The following CSMD2 variants were observed in gnomAD, a reference collection of about 807,000 sequenced individuals.
CSMD2 encodes CUB and sushi domain-containing protein 2.
A neutral mutation model predicts 398.5 loss-of-function variants in CSMD2; 130 were observed. The ratio of observed to expected loss-of-function variants is 0.33; its 90% CI spans 0.28 to 0.38. The LOEUF is 0.38. Among genes scored for constraint, CSMD2 ranks in the 10% least tolerant of loss-of-function variants. The pLI is 1.00. For missense variants in CSMD2, 3,829 were observed against 4,764.9 expected (o/e 0.80, Z 5.78); for synonymous variants, 1,828 against 1,908.5 (o/e 0.96, Z 1.10).
intron 25 of CSMD2, among the ~76,000 whole-genome samples, chr1:33,678,655 C>T (rs886805970): frequency 6.6e-6 from 1 of 151,852 alleles, no homozygotes; most frequent in African/African-American, 2.4e-5. Context: ...CTTGTTTTAT[C>T]AAATGCCCCC....
At chr1:33,538,866 G>C (rs900599014) in intron 60 of CSMD2, among the ~76,000 whole-genome samples, 8 of 152,206 alleles carry the variant, frequency 5.3e-5, no homozygotes, top group Non-Finnish European at 1.0e-4. Context: ...TGTAAATTGG[G>C]ACAGTTTCTA....
intron 64 of CSMD2, among the ~76,000 whole-genome samples, chr1:33,529,278 C>G (rs1326189815): frequency 6.6e-6 from 1 of 152,198 alleles, no homozygotes; most frequent in African/African-American, 2.4e-5. Context: ...ATAGCTAAGA[C>G]TACAGGCATA....
chr1:34,087,638 T>C (rs1443377636), intron 2 of CSMD2, among the ~76,000 whole-genome samples: 2 of 148,374 alleles, frequency 1.3e-5, no homozygotes, highest in East Asian at 2.0e-4. Flanking sequence ...ATAATAATAA[T>C]AATAATAATA....
Position 33,788,638 on chromosome 1 carries a change from C to T in CSMD2, c.1625G>A (p.Gly542Asp), listed in dbSNP as rs1653844896. Reference sequence around the variant, plus strand: ...CTTGAATCCCAGGGAACTGCCACTGCCATCAGTCTGGAAGAGGAGCCACAT... The same window carrying T: ...CTTGAATCCCAGGGAACTGCCACTGTCATCAGTCTGGAAGAGGAGCCACAT... Reference protein sequence around the residue: ...HQMWLLFQTDGSGSSLGFKAS... With the variant: ...HQMWLLFQTDDSGSSLGFKAS... The change falls in exon 12 of 71, where the codon GGC becomes GAC. Residue 542 changes from glycine (G) to aspartate (D), a missense_variant. This residue lies in a region of CSMD2 where 2,001 missense variants were observed against 2,567.1 expected (regional missense o/e 0.78). Transcript: ENST00000373381. 1 of 1,613,746 alleles carries T rather than the reference C, an allele frequency of 6.2e-7. No individual in the cohort carries two copies. Among genetic ancestry groups the T allele is most frequent in the Non-Finnish European group, 8.5e-7 (1 of 1,179,618 alleles).
rs189437127 is a variant in CSMD2 at position 33,624,531 on chromosome 1, G to C, written c.5613C>G (p.Gly1871=). 1 of 1,613,828 alleles carries C rather than the reference G, an allele frequency of 6.2e-7. No individual in the cohort carries two copies. The stretch of plus-strand genomic sequence containing the variant: ...CCCTTGCCCCTACCTGGATGCCAGC[G>C]CCTTCGGGGACCACGATCTTCCACA... The part of the protein sequence containing the change: ...NCVWKIVVPE[G]AGIQIQVVSF... The change falls in exon 35 of 71, where the codon GGC becomes GGG. Residue 1871 remains glycine, a synonymous_variant. Transcript: ENST00000373381. This position sits in a 1 kb window ranked among gnomAD's most constrained non-coding sequence, Gnocchi z 4.7.
chr1:34,131,023 A>G (rs1262040339), intron 1 of CSMD2, among the ~76,000 whole-genome samples: 1 of 152,076 alleles, frequency 6.6e-6, no homozygotes, highest in African/African-American at 2.4e-5. Context: ...CTTGCATTCA[A>G]TGTGGTACCT....
At chr1:33,580,199 A>T (rs1260306098) in intron 48 of CSMD2, among the ~76,000 whole-genome samples, 5 of 152,078 alleles carry the variant, frequency 3.3e-5, no homozygotes, top group African/African-American at 1.2e-4. Flanking sequence ...TTTTCTTCCA[A>T]CCACAGACAG....
Position 33,646,771 on chromosome 1 carries a change from G to A in CSMD2, c.4651C>T (p.Leu1551Phe), listed in dbSNP as rs892577509. The A allele has an allele frequency of 6.2e-7, 1 of 1,614,112 alleles. No homozygotes were observed. Among genetic ancestry groups the A allele is most frequent in the East Asian group, 2.2e-5 (1 of 44,884 alleles). ...TGGGAGCCATAGAAGCTTCCTATGA[G>A]AGGGCTGAGAGAGTCCCGTCCGTCG... Reference protein sequence around the residue: ...IYDGRDSLSPLIGSFYGSQLP... With the variant: ...IYDGRDSLSPFIGSFYGSQLP... Residue 1551 changes from leucine to phenylalanine, a missense_variant, in exon 29 of 71, where the codon CTC becomes TTC. Physicochemically the swap from Leu to Phe is conservative, Grantham distance 22. Coordinates refer to ENST00000373381, the MANE Select transcript of CSMD2 (RefSeq NM_001281956.2).
intron 53 of CSMD2, among the ~76,000 whole-genome samples, chr1:33,561,299 G>A (rs552190924): frequency 1.2e-4 from 19 of 152,298 alleles, no homozygotes; most frequent in African/African-American, 4.6e-4. Context: ...AAGCAGCCTG[G>A]CATAGTGAGA....
intron 1 of CSMD2, among the ~76,000 whole-genome samples, chr1:34,110,880 C>T (rs1276256365): frequency 6.6e-6 from 1 of 151,824 alleles, no homozygotes; most frequent in Non-Finnish European, 1.5e-5. Flanking sequence ...GCACATGTAC[C>T]CCTGAATCTA....
chr1:33,536,600 G>A (rs1002112311), intron 62 of CSMD2, among the ~76,000 whole-genome samples: 10 of 152,178 alleles, frequency 6.6e-5, no homozygotes, highest in East Asian at 3.9e-4. Context: ...AGGTGTGTCC[G>A]CAGGGCCTGT....
At chr1:33,668,420 C>T (rs1284776989) in intron 25 of CSMD2, among the ~76,000 whole-genome samples, 1 of 152,156 alleles carries the variant, frequency 6.6e-6, no homozygotes, top group Admixed American at 6.5e-5. Flanking sequence ...GCCAGTGACC[C>T]CTTTTATTAT....
chr1:33,847,888 G>A (rs1638392359), intron 5 of CSMD2, among the ~76,000 whole-genome samples: 1 of 152,162 alleles, frequency 6.6e-6, no homozygotes, highest in African/African-American at 2.4e-5. Flanking sequence ...GAAGATCTCA[G>A]CACAGTCCCT....
intron 5 of CSMD2, chr1:33,870,593 G>A (rs1640392195): frequency 6.6e-6 from 1 of 152,140 alleles, no homozygotes; most frequent in South Asian, 2.1e-4. Flanking sequence ...CCCTTCAACG[G>A]TGAAATATTT....
At chr1:33,930,971 A>G (rs1644294366) in intron 4 of CSMD2, among the ~76,000 whole-genome samples, 1 of 152,196 alleles carries the variant, frequency 6.6e-6, no homozygotes, top group African/African-American at 2.4e-5. Flanking sequence ...TGGGCACATG[A>G]CATTTCCTAG....
chr1:33,729,458 T>C (rs1322003851), intron 15 of CSMD2, among the ~76,000 whole-genome samples: 2 of 149,972 alleles, frequency 1.3e-5, no homozygotes, highest in East Asian at 1.9e-4. Context: ...GGATTCTTTT[T>C]TTTTTTTTTT....
intron 3 of CSMD2, among the ~76,000 whole-genome samples, chr1:33,943,048 G>A (rs2125346426): frequency 6.6e-6 from 1 of 152,230 alleles, no homozygotes; most frequent in South Asian, 2.1e-4. Flanking sequence ...CCATGGCCAT[G>A]CCCTATTGAC....
chr1:33,537,524 G>A lies in CSMD2; in HGVS notation c.9717C>T (p.Ser3239=). ...CCACCAGCACCAGAGGGGGATGGCA[G>A]GAGAAGGAGACAGATGACCTGTAGG... The part of the protein sequence containing the change: ...GFSYRSSVSF[S]CHPPLVLVGS... Residue 3239 remains serine (S), a synonymous_variant, in exon 61 of 71, where the codon TCC becomes TCT. Transcript: ENST00000373381. The surrounding 1 kb of genome is among the most constrained non-coding windows in gnomAD (Gnocchi z 4.6). 2 of 1,614,182 alleles carry A rather than the reference G, an allele frequency of 1.2e-6. No homozygotes were observed. The highest frequency in any genetic ancestry group is 1.7e-6 in the Non-Finnish European group (2 of 1,180,010).
chr1:33,518,250 C>T lies in CSMD2; in HGVS notation c.*53+1215G>A, dbSNP rs926821131. The stretch of plus-strand genomic sequence containing the variant: ...GTGCAGCTTGGACATCGTGTTGGGG[C>T]AACTCCTGAAGGGTCATAGGTCCCA... On this transcript the variant is annotated intron_variant, in intron 70 of 70. Transcript: ENST00000373381. This position sits in a 1 kb window ranked among gnomAD's most constrained non-coding sequence, Gnocchi z 4.3. Among the ~76,000 whole-genome samples, 1 of 152,208 alleles carries T rather than the reference C, an allele frequency of 6.6e-6. No homozygotes were observed. Among genetic ancestry groups the T allele is most frequent in the Non-Finnish European group, 1.5e-5 (1 of 68,034 alleles).
Sources: gnomAD v4.1 joint callset for allele counts (sites outside exome capture counted in the v4.1 genomes callset) on GRCh38, gnomAD v4.1.1 for gene constraint, gnomAD v4.1.1 regional missense constraint, Gnocchi (gnomAD v3.1) non-coding constraint, MANE v1.5 for transcripts, NCBI Gene and HGNC (gene_info 2026-07-23, HGNC 2026-07-21) for gene names.